The following PLXNC1 variants were observed in gnomAD, a reference collection of about 807,000 sequenced individuals.
PLXNC1 encodes the protein plexin C1, also known as plexin-C1.
In PLXNC1, 75 loss-of-function variants were observed where a neutral mutation model predicts 178.2. That is an observed-to-expected ratio of 0.42 (90% CI 0.35 to 0.51). PLXNC1 has a LOEUF of 0.51. Among genes scored for constraint, PLXNC1 ranks in the 20% least tolerant of loss-of-function variants. PLXNC1 has a pLI of 0.02. For synonymous variants in PLXNC1, 790 were observed against 779.9 expected (o/e 1.01, Z -0.22); for missense variants, 1,503 against 1,984.4 (o/e 0.76, Z 4.61).
In PLXNC1 at chr12:94,248,754, C is replaced by T. The variant is rs1334980443; in HGVS notation, c.2778+342C>T. Among the ~76,000 whole-genome samples the T allele has an allele frequency of 3.3e-5, 5 of 152,096 alleles. No individual in the cohort carries two copies. In the East Asian group the frequency reaches 7.7e-4, roughly 23 times the overall value. On this transcript the variant is annotated intron_variant, in intron 14 of 30. Transcript: ENST00000258526. ...TGAGCTGTCACTCTTTTCTCAAATG[C>T]GGAGGTGACATGTCTTAGCAGAAAC...
rs1969002205 is a variant in PLXNC1, at chr12:94,306,246, T to TTACAAAAAAAAAGA, written c.*965_*966insAAAAAAAAGATACA. ...TGATTTAAAAAAAAAAAGATACATT[T>TTACAAAAAAAAAGA]TACATTTTATCGAATTGCTGTTCAC... is the stretch of plus-strand genomic sequence containing the variant. On this transcript the variant is annotated 3_prime_UTR_variant, in exon 31 of 31. Transcript: ENST00000258526. The TTACAAAAAAAAAGA allele has an allele frequency of 2.0e-5, 3 of 152,192 alleles. No individual in the cohort carries two copies. Among genetic ancestry groups the TTACAAAAAAAAAGA allele is most frequent in the African/African-American group, 7.2e-5 (3 of 41,534 alleles). The allele number at this position is 152,192 out of a possible 1,614,324, so 9.4% of individuals were successfully genotyped here.
At chr12:94,298,945 T>G in intron 27 of PLXNC1, 150 bp downstream of exon 27, 1 of 696,882 alleles carries the variant, frequency 1.4e-6, no homozygotes, top group Non-Finnish European at 2.3e-6. Context: ...TAGTTTCTTA[T>G]TCTGTTACTA....
Position 94,169,180 on chromosome 12 carries a change from C to T in PLXNC1, c.1090C>T (p.Gln364Ter). The part of the protein sequence containing the change: ...CKEGDQPERV[Q>*]PIASSTLIHS... ...AGAAGGGGATCAACCTGAAAGAGTC[C>T]AACCAATCGCATCATCTACCTTGAT... The change falls in exon 2 of 31, where the codon CAA becomes TAA. Residue 364 changes from glutamine (Q) to a stop codon, truncating the protein, a stop_gained. Transcript: ENST00000258526. LOFTEE classifies it high-confidence loss of function. The T allele has an allele frequency of 6.2e-7, 1 of 1,613,680 alleles. No individual in the cohort carries two copies.
chr12:94,246,527 C>T (rs1207644713), intron 12 of PLXNC1, among the ~76,000 whole-genome samples: 8 of 152,108 alleles, frequency 5.3e-5, no homozygotes, highest in Non-Finnish European at 8.8e-5. Flanking sequence ...TAGGATGGGC[C>T]GTGAAGGTGG....
Position 94,297,442 on chromosome 12 carries a change from G to T in PLXNC1, c.4074+19G>T. ...GACCAAGGTACACTTACTGTTCTGG[G>T]AGCACTTTATGGCTACCTAGGGGGT... On this transcript the variant is annotated intron_variant, in intron 26 of 30. Transcript: ENST00000258526. The T allele has an allele frequency of 1.9e-6, 3 of 1,558,390 alleles. No individual in the cohort carries two copies. Among genetic ancestry groups the T allele is most frequent in the East Asian group, 2.3e-5 (1 of 43,854 alleles).
At chr12:94,170,374 TTGATCCTGTTTCCAAATA>T (rs1961798521) in intron 2 of PLXNC1, among the ~76,000 whole-genome samples, 1 of 152,212 alleles carries the variant, frequency 6.6e-6, no homozygotes, top group South Asian at 2.1e-4. Flanking sequence ...TTGCTCCTGT[TTGATCCTGTTTCCAAATA>T]TGATCCTGTT....
chr12:94,289,090 T>TTCAAAC (rs1967002867), intron 23 of PLXNC1, among the ~76,000 whole-genome samples: 1 of 152,230 alleles, frequency 6.6e-6, no homozygotes, highest in Non-Finnish European at 1.5e-5. Context: ...AAGTTCAACC[T>TTCAAAC]TACATTTCTA....
chr12:94,262,854 C>G, intron 20 of PLXNC1: 1 of 872,620 alleles, frequency 1.1e-6, no homozygotes, highest in Non-Finnish European at 1.4e-6. Context: ...AGAGCTTTAC[C>G]TATCTTTTCT....
intron 20 of PLXNC1, among the ~76,000 whole-genome samples, chr12:94,263,062 A>T (rs1965043331): frequency 6.6e-6 from 1 of 152,284 alleles, no homozygotes; most frequent in Admixed American, 6.5e-5. Flanking sequence ...AAAGTGTCGA[A>T]GCCTGGCCCC....
At chr12:94,249,952 C>A (rs1207021853) in intron 14 of PLXNC1, among the ~76,000 whole-genome samples, 1 of 75,822 alleles carries the variant, frequency 1.3e-5, no homozygotes, top group African/African-American at 4.7e-5. Context: ...GGGGTGGGAA[C>A]AGGAGCAGGT....
chr12:94,281,955 C>T (rs1372185899), intron 22 of PLXNC1: 1 of 273,100 alleles, frequency 3.7e-6, no homozygotes, highest in East Asian at 1.0e-4. Context: ...CATATCATGC[C>T]TCTCTTTGTG....
At chr12:94,196,482 CA>C (rs1962919208) in intron 4 of PLXNC1, among the ~76,000 whole-genome samples, 1 of 152,186 alleles carries the variant, frequency 6.6e-6, no homozygotes, top group Non-Finnish European at 1.5e-5. Flanking sequence ...AGCCCCTCAC[CA>C]GGAGCAGACA....
At chr12:94,219,435 G>A (rs549178694) in intron 5 of PLXNC1, among the ~76,000 whole-genome samples, 2 of 152,160 alleles carry the variant, frequency 1.3e-5, no homozygotes, top group East Asian at 1.9e-4. Flanking sequence ...AATTCCAGAT[G>A]GATTAAAGAT....
At chr12:94,170,815 T>A (rs918842485) in intron 2 of PLXNC1, among the ~76,000 whole-genome samples, 1 of 152,200 alleles carries the variant, frequency 6.6e-6, no homozygotes, top group Non-Finnish European at 1.5e-5. Flanking sequence ...AAATATACAT[T>A]GATCATCTTT....
intron 4 of PLXNC1, among the ~76,000 whole-genome samples, chr12:94,206,244 G>A (rs1963294040): frequency 6.6e-6 from 1 of 151,628 alleles, no homozygotes; most frequent in African/African-American, 2.4e-5. Flanking sequence ...TGGGGCCGGA[G>A]TAGGTTTGGA....
At chr12:94,218,880 CA>C (rs1250096858) in intron 5 of PLXNC1, among the ~76,000 whole-genome samples, 1 of 152,074 alleles carries the variant, frequency 6.6e-6, no homozygotes, top group Non-Finnish European at 1.5e-5. Flanking sequence ...ACAATATTAG[CA>C]ATAAGGAATA....
At chr12:94,298,253 C>T (rs1330528582) in intron 26 of PLXNC1, among the ~76,000 whole-genome samples, 1 of 152,186 alleles carries the variant, frequency 6.6e-6, no homozygotes, top group Non-Finnish European at 1.5e-5. Flanking sequence ...ATTCTGGGAA[C>T]AGAGCAGCAT....
chr12:94,163,227 G>A (rs2135931896), intron 1 of PLXNC1, among the ~76,000 whole-genome samples: 1 of 152,202 alleles, frequency 6.6e-6, no homozygotes, highest in East Asian at 1.9e-4. Flanking sequence ...AGCCAGGCAT[G>A]GTGGCAGGCA....
rs907933977 is a variant in PLXNC1, at chr12:94,306,907, A to AGAT, written c.*1625_*1627dup. 3.3e-5 allele frequency: 5 copies of AGAT among 152,212 alleles called. No homozygotes were observed. Among genetic ancestry groups the AGAT allele is most frequent in the South Asian group, 2.1e-4 (1 of 4,832 alleles). The allele number at this position is 152,212 out of a possible 1,614,324, so 9.4% of individuals were successfully genotyped here. A position where few individuals can be genotyped will look rare whatever the true frequency, so the allele number is the denominator to read the frequency against. On this transcript the variant is annotated 3_prime_UTR_variant, in exon 31 of 31. Transcript: ENST00000258526. ...CCTCAAACAAACAAAACTACCAAAT[A>AGAT]GATGACAGATCAGAATAAAGGTGAG... is the stretch of plus-strand genomic sequence containing the variant.
Sources: allele counts gnomAD v4.1 joint callset (sites outside exome capture counted in the v4.1 genomes callset), GRCh38; gene constraint gnomAD v4.1.1; transcripts MANE v1.5; gene names NCBI Gene and HGNC (gene_info 2026-07-23, HGNC 2026-07-21).